Variants in NMNAT3 observed in about 807,000 individuals in gnomAD.
NMNAT3 encodes nicotinamide nucleotide adenylyltransferase 3, also known as nicotinamide/nicotinic acid mononucleotide adenylyltransferase 3.
In NMNAT3, 21 loss-of-function variants were observed where a neutral mutation model predicts 24.8. The ratio of observed to expected loss-of-function variants is 0.85; its 90% confidence interval spans 0.60 to 1.22. The LOEUF is 1.22. NMNAT3 is among the 50% of genes most tolerant of loss of function. The pLI is 0.00. For missense variants in NMNAT3, 387 were observed against 436.6 expected (o/e 0.89, Z 1.01); for synonymous variants, 136 against 155.2 (o/e 0.88, Z 0.92).
At chr3:139,605,951 C>T (rs1406184108) in intron 3 of NMNAT3, among the ~76,000 whole-genome samples, 1 of 151,086 alleles carries the variant, frequency 6.6e-6, no homozygotes, top group Non-Finnish European at 1.5e-5. Context: ...ACTTAAATAT[C>T]TAGATAATGA....
At chr3:139,582,746 T>C (rs1486076601) in intron 4 of NMNAT3, among the ~76,000 whole-genome samples, 1 of 149,590 alleles carries the variant, frequency 6.7e-6, no homozygotes, top group East Asian at 1.9e-4. Context: ...ACAAAAAATA[T>C]ATATAATATA....
At chr3:139,581,000 A>G (rs1940098726) in intron 4 of NMNAT3, among the ~76,000 whole-genome samples, 2 of 152,212 alleles carry the variant, frequency 1.3e-5, no homozygotes, top group Non-Finnish European at 2.9e-5. Flanking sequence ...TGTTATTAAT[A>G]ATTATACCCA....
intron 1 of NMNAT3, among the ~76,000 whole-genome samples, chr3:139,673,897 A>G (rs898887116): frequency 6.6e-5 from 10 of 152,182 alleles, no homozygotes; most frequent in African/African-American, 2.4e-4. Context: ...GAGGTAATTC[A>G]GCGTGGCCAG....
At chr3:139,656,718 C>T (rs138303109) in intron 1 of NMNAT3, among the ~76,000 whole-genome samples, 3 of 152,194 alleles carry the variant, frequency 2.0e-5, no homozygotes, top group South Asian at 2.1e-4. Flanking sequence ...CTTGAGCCCA[C>T]GAGGTTGAGG....
rs538112971 is a variant in NMNAT3, at chr3:139,661,302, A to T, written c.-141+16403T>A. Among the ~76,000 whole-genome samples the T allele has an allele frequency of 6.6e-5, 10 of 152,314 alleles. 1 individual carries two copies. In the South Asian group the frequency reaches 1.7e-3, roughly 25 times the overall value. The stretch of plus-strand genomic sequence containing the variant: ...CCTAGTGTAGGGCTGCGTCTAGCTC[A>T]GCCTAAGACTAAGTACATCCTTGTA... On this transcript the variant is annotated intron_variant, in intron 1 of 6. Coordinates refer to ENST00000643695, the MANE Select transcript of NMNAT3 (RefSeq NM_001320510.2).
intron 3 of NMNAT3, among the ~76,000 whole-genome samples, chr3:139,624,007 C>T (rs2055928957): frequency 6.6e-6 from 1 of 152,198 alleles, no homozygotes; most frequent in Non-Finnish European, 1.5e-5. Context: ...AATTTTTCAA[C>T]TCCATTACAA....
intron 3 of NMNAT3, among the ~76,000 whole-genome samples, chr3:139,591,907 A>G (rs1345978437): frequency 1.3e-5 from 2 of 152,196 alleles, no homozygotes; most frequent in Non-Finnish European, 2.9e-5. Context: ...TAAAAATCAG[A>G]GCGCCTCTCC....
intron 4 of NMNAT3, among the ~76,000 whole-genome samples, chr3:139,582,015 T>G (rs1432689592): frequency 2.7e-5 from 4 of 148,928 alleles, no homozygotes; most frequent in African/African-American, 9.9e-5. Flanking sequence ...GCCAACATGG[T>G]GAAACCTGTC....
intron 1 of NMNAT3, among the ~76,000 whole-genome samples, chr3:139,667,940 A>G (rs575787411): frequency 6.6e-6 from 1 of 152,336 alleles, no homozygotes; most frequent in Non-Finnish European, 1.5e-5. Context: ...AGCATTCAAC[A>G]GGCTGCTGGA....
intron 4 of NMNAT3, 43 bp from the exon 5 acceptor site, chr3:139,579,098 C>G: frequency 6.5e-7 from 1 of 1,545,446 alleles, no homozygotes; most frequent in African/African-American, 1.4e-5. Flanking sequence ...CAGACAGATG[C>G]TCACCACCTG....
chr3:139,609,088 G>A (rs1225091301), intron 3 of NMNAT3, among the ~76,000 whole-genome samples: 1 of 152,170 alleles, frequency 6.6e-6, no homozygotes, highest in Non-Finnish European at 1.5e-5. Context: ...TTTTATTGCT[G>A]GGGAGTAGTC....
chr3:139,660,729 G>A (rs1037858587), intron 1 of NMNAT3, among the ~76,000 whole-genome samples: 1 of 152,176 alleles, frequency 6.6e-6, no homozygotes, highest in East Asian at 1.9e-4. Context: ...TTACCTTACA[G>A]TTAGAAGATA....
chr3:139,566,357 T>C (rs1006988689), intron 6 of NMNAT3: 1 of 152,200 alleles, frequency 6.6e-6, no homozygotes, highest in Non-Finnish European at 1.5e-5. Flanking sequence ...GCAGAAGCTC[T>C]TTAGTTTAAT....
chr3:139,648,643 T>C (rs2056951578), intron 1 of NMNAT3, among the ~76,000 whole-genome samples: 1 of 152,192 alleles, frequency 6.6e-6, no homozygotes, highest in South Asian at 2.1e-4. Context: ...AAACAAATAG[T>C]TTAATTATTA....
At chr3:139,584,327 A>T (rs1256912712) in intron 3 of NMNAT3, 1 of 159,216 alleles carries the variant, frequency 6.3e-6, no homozygotes, top group East Asian at 1.9e-4. Context: ...CAGCTTTGGG[A>T]GGGATGCACA....
At chr3:139,565,055 T>G (rs1238838829) in intron 6 of NMNAT3, among the ~76,000 whole-genome samples, 1 of 152,184 alleles carries the variant, frequency 6.6e-6, no homozygotes, top group African/African-American at 2.4e-5. Context: ...GTATCCTGAT[T>G]TTTTTCCACT....
chr3:139,629,325 C>A (rs973603955), intron 2 of NMNAT3, among the ~76,000 whole-genome samples: 3 of 152,174 alleles, frequency 2.0e-5, no homozygotes, highest in African/African-American at 7.2e-5. Context: ...TGGGTGTGAT[C>A]TTTCCCCAGT....
intron 3 of NMNAT3, among the ~76,000 whole-genome samples, chr3:139,620,767 G>A (rs1044221660): frequency 2.1e-4 from 32 of 151,740 alleles, no homozygotes; most frequent in African/African-American, 7.7e-4. Context: ...TGATATCACC[G>A]TCTTATAACT....
At chr3:139,619,774 TTA>T (rs2055675428) in intron 3 of NMNAT3, among the ~76,000 whole-genome samples, 1 of 152,158 alleles carries the variant, frequency 6.6e-6, no homozygotes, top group Non-Finnish European at 1.5e-5. Context: ...CAAGAGGAAG[TTA>T]TATACCCTCA....
Sources: gnomAD v4.1 joint callset for allele counts (sites outside exome capture counted in the v4.1 genomes callset) on GRCh38, gnomAD v4.1.1 for gene constraint, MANE v1.5 for transcripts, NCBI Gene and HGNC (gene_info 2026-07-23, HGNC 2026-07-21) for gene names.